PCBD2: variants seen among roughly 807,000 people sequenced by gnomAD.
PCBD2 encodes pterin-4 alpha-carbinolamine dehydratase 2, also known as pterin-4-alpha-carbinolamine dehydratase 2.
A neutral mutation model predicts 16.4 loss-of-function variants in PCBD2; 12 were observed. That is an observed-to-expected ratio of 0.73 (90% confidence interval 0.47 to 1.19). The LOEUF (loss-of-function observed/expected upper bound fraction) is 1.19. Ranked by LOEUF, PCBD2 falls within the 50% of genes most tolerant of loss-of-function variation. The pLI, the probability that PCBD2 is intolerant of heterozygous loss-of-function variation, is 0.00. For missense variants in PCBD2, 138 were observed against 156.8 expected (o/e 0.88, Z 0.64); for synonymous variants, 58 against 61.8 (o/e 0.94, Z 0.29).
chr5:134,951,157 C>T (rs185814892), intron 2 of PCBD2, among the ~76,000 whole-genome samples: 75 of 152,252 alleles, frequency 4.9e-4, no homozygotes, highest in Non-Finnish European at 2.9e-5. Context: ...ATCCAGTTCC[C>T]ACTCTCCACT....
At chr5:134,936,449 G>A (rs571507209) in intron 2 of PCBD2, among the ~76,000 whole-genome samples, 2 of 152,254 alleles carry the variant, frequency 1.3e-5, no homozygotes, top group East Asian at 3.8e-4. Context: ...GCCCAGGAAG[G>A]TGCTGGGTAC....
At chr5:134,910,138 G>T (rs1750748646) in intron 1 of PCBD2, among the ~76,000 whole-genome samples, 197 bp from the exon 2 acceptor site, 1 of 152,180 alleles carries the variant, frequency 6.6e-6, no homozygotes, top group African/African-American at 2.4e-5. Context: ...GGAGCCAGAG[G>T]TGACATGCCA....
Position 134,928,000 on chromosome 5 carries a change from G to T in PCBD2, c.216+17534G>T, listed in dbSNP as rs1225249008. 10 of 396,132 alleles carry T rather than the reference G, an allele frequency of 2.5e-5. No homozygotes were observed. In the Admixed American group the frequency reaches 3.5e-4, roughly 14 times the overall value. 24.5% of individuals were successfully genotyped at this position (396,132 alleles called of 1,614,324 possible). A position where few individuals can be genotyped will look rare whatever the true frequency, so the allele number is the denominator to read the frequency against. Reference sequence around the variant, plus strand: ...TGTTTTTTGGAGAGTCATGTCAGTGGTAGTAATATAATTGTTGGGACAATT... The same window carrying T: ...TGTTTTTTGGAGAGTCATGTCAGTGTTAGTAATATAATTGTTGGGACAATT... On this transcript the variant is annotated intron_variant, in intron 2 of 3. Transcript: ENST00000254908.
intron 2 of PCBD2, among the ~76,000 whole-genome samples, chr5:134,958,382 AT>A (rs1402712095): frequency 6.6e-6 from 1 of 152,172 alleles, no homozygotes; most frequent in Admixed American, 6.6e-5. Flanking sequence ...CCCTCTGCTC[AT>A]TTCCTGGCTT....
intron 2 of PCBD2, among the ~76,000 whole-genome samples, chr5:134,914,234 T>C (rs913638760): frequency 2.0e-5 from 3 of 152,164 alleles, no homozygotes; most frequent in Non-Finnish European, 2.9e-5. Flanking sequence ...CATTCTCTCC[T>C]GATTGCTTTT....
At chr5:134,910,735 T>C (rs1197124484) in intron 2 of PCBD2, among the ~76,000 whole-genome samples, 1 of 152,230 alleles carries the variant, frequency 6.6e-6, no homozygotes. Context: ...TTGGTTAGGA[T>C]ATGTAGTTTC....
intron 2 of PCBD2, among the ~76,000 whole-genome samples, chr5:134,936,274 A>G (rs1480245627): frequency 6.6e-6 from 1 of 152,126 alleles, no homozygotes; most frequent in Non-Finnish European, 1.5e-5. Context: ...GGAGAGGAAG[A>G]GTAAGAAGGA....
chr5:134,953,889 T>C (rs1428688228), intron 2 of PCBD2, among the ~76,000 whole-genome samples: 2 of 152,164 alleles, frequency 1.3e-5, no homozygotes, highest in Non-Finnish European at 2.9e-5. Flanking sequence ...GAAATAATAT[T>C]TTCTCCTACT....
chr5:134,919,751 TA>T (rs1236678808), intron 2 of PCBD2, among the ~76,000 whole-genome samples: 2 of 152,236 alleles, frequency 1.3e-5, no homozygotes, highest in Non-Finnish European at 2.9e-5. Flanking sequence ...AAGGAGACCT[TA>T]AATAATAACT....
At chr5:134,922,389 C>A (rs1036346031) in intron 2 of PCBD2, among the ~76,000 whole-genome samples, 2 of 151,990 alleles carry the variant, frequency 1.3e-5, no homozygotes, top group African/African-American at 2.4e-5. Flanking sequence ...TGTTCTTCTC[C>A]TTTCCATGCC....
At chr5:134,916,852 T>C (rs1750839627) in intron 2 of PCBD2, among the ~76,000 whole-genome samples, 2 of 152,164 alleles carry the variant, frequency 1.3e-5, no homozygotes, top group African/African-American at 4.8e-5. Context: ...CAATGGACAG[T>C]ATGTTGGTGA....
At chr5:134,929,518 G>T (rs904223874) in intron 2 of PCBD2, among the ~76,000 whole-genome samples, 1 of 152,150 alleles carries the variant, frequency 6.6e-6, no homozygotes, top group Admixed American at 6.5e-5. Context: ...AGTGACCGTA[G>T]CAAAGTTGGT....
intron 2 of PCBD2, among the ~76,000 whole-genome samples, chr5:134,915,868 A>G (rs994253301): frequency 5.9e-5 from 9 of 152,278 alleles, no homozygotes; most frequent in Non-Finnish European, 1.0e-4. Context: ...GTTGTGCTCC[A>G]TATACTCATA....
At chr5:134,932,701 C>A (rs950234086) in intron 2 of PCBD2, among the ~76,000 whole-genome samples, 3 of 151,994 alleles carry the variant, frequency 2.0e-5, no homozygotes, top group Non-Finnish European at 2.9e-5. Flanking sequence ...CCAGGCTGGT[C>A]TTGAATTCCT....
intron 2 of PCBD2, among the ~76,000 whole-genome samples, chr5:134,942,707 T>C (rs1177209650): frequency 6.6e-6 from 1 of 152,124 alleles, no homozygotes; most frequent in Non-Finnish European, 1.5e-5. Context: ...GATAATATTA[T>C]TAGTTTTAAA....
At chr5:134,938,392 C>T (rs1168609678) in intron 2 of PCBD2, among the ~76,000 whole-genome samples, 2 of 152,210 alleles carry the variant, frequency 1.3e-5, no homozygotes, top group Non-Finnish European at 2.9e-5. Flanking sequence ...AACCTTTTCT[C>T]TGAATGACCA....
intron 2 of PCBD2, among the ~76,000 whole-genome samples, chr5:134,921,848 C>T (rs1015342619): frequency 2.0e-5 from 3 of 152,228 alleles, no homozygotes; most frequent in African/African-American, 2.4e-5. Context: ...TACCTTTAGG[C>T]TCTTCCTGCT....
At chr5:134,914,244 T>C (rs2149530719) in intron 2 of PCBD2, among the ~76,000 whole-genome samples, 1 of 152,316 alleles carries the variant, frequency 6.6e-6, no homozygotes, top group African/African-American at 2.4e-5. Context: ...TGATTGCTTT[T>C]GTTTTTTAGT....
chr5:134,924,365 A>G (rs758942808), intron 2 of PCBD2: 44 of 395,692 alleles, frequency 1.1e-4, no homozygotes, highest in Non-Finnish European at 1.9e-4. Context: ...ATCCTGAGGC[A>G]TGGGGGTCAG....
Sources: gnomAD v4.1 joint callset for allele counts (sites outside exome capture counted in the v4.1 genomes callset) on GRCh38, gnomAD v4.1.1 for gene constraint, MANE v1.5 for transcripts, NCBI Gene and HGNC (gene_info 2026-07-23, HGNC 2026-07-21) for gene names.